HERC3: variants seen among roughly 807,000 people sequenced by gnomAD.
The protein encoded by HERC3 is probable E3 ubiquitin-protein ligase HERC3.
In HERC3, 58 loss-of-function variants were observed where a neutral mutation model predicts 129.9. The observed-to-expected ratio is 0.45, with a 90% confidence interval of 0.36 to 0.56. HERC3 has a LOEUF of 0.56. Ranked by LOEUF, HERC3 falls within the 20% of genes least tolerant of loss-of-function variation. The pLI is 0.00. For missense variants in HERC3, 835 were observed against 1,244.2 expected (o/e 0.67, Z 4.95); for synonymous variants, 430 against 451.0 (o/e 0.95, Z 0.59).
At chr4:88,528,095 C>T in the HERC3 span, 5 of 275,522 alleles carry the variant, frequency 1.8e-5, no homozygotes, top group Non-Finnish European at 2.9e-5. Context: ...TATGTGCAAT[C>T]CAGGTGGTGA....
intron 23 of HERC3, chr4:88,697,691 C>T (rs890518313): frequency 1.2e-6 from 2 of 1,611,174 alleles, no homozygotes; most frequent in African/African-American, 1.3e-5. Flanking sequence ...TCCTCTGCCG[C>T]TGCCTCCGCC....
chr4:88,679,522 CTT>C (rs35403047), intron 19 of HERC3, among the ~76,000 whole-genome samples: 49 of 139,720 alleles, frequency 3.5e-4, no homozygotes, highest in Admixed American at 1.0e-3. Flanking sequence ...GATGGTAGAC[CTT>C]TTTTTTTTTT....
At chr4:88,654,189 T>G (rs55727549) in intron 7 of HERC3, 56 bp downstream of exon 7, 41,603 of 1,219,090 alleles carry the variant, frequency 0.034, 937 homozygotes, top group Middle Eastern at 0.11. Flanking sequence ...GTGATTAGAA[T>G]TGCTTGATTA....
chr4:88,653,178 C>T (rs1194223491), intron 6 of HERC3, 88 bp downstream of exon 6: 7 of 1,263,806 alleles, frequency 5.5e-6, no homozygotes, highest in Admixed American at 4.0e-5. Flanking sequence ...GTGCTAGCCC[C>T]ATGTGAGATA....
the HERC3 span, chr4:88,527,515 C>T: frequency 5.7e-6 from 1 of 176,500 alleles, no homozygotes; most frequent in Non-Finnish European, 1.2e-5. Context: ...CCCGCCTCAG[C>T]CTCCCAAAGT....
intron 4 of HERC3, among the ~76,000 whole-genome samples, chr4:88,651,737 A>C (rs144386378): frequency 0.011 from 1,606 of 152,308 alleles, 14 homozygotes; most frequent in Non-Finnish European, 0.016. Flanking sequence ...GGCATGTGCC[A>C]CAACGCCCGG....
At chr4:88,563,641 A>G in the HERC3 span, among the ~76,000 whole-genome samples, 1 of 150,194 alleles carries the variant, frequency 6.7e-6, no homozygotes, top group African/African-American at 2.5e-5. Context: ...ATTTTATTAT[A>G]TTGAAATATG....
chr4:88,634,459 C>G (rs889077573), intron 3 of HERC3, among the ~76,000 whole-genome samples: 5 of 152,184 alleles, frequency 3.3e-5, no homozygotes, highest in Middle Eastern at 3.2e-3. Flanking sequence ...CCGTCTCCAA[C>G]TAGGGGCTAA....
intron 3 of HERC3, among the ~76,000 whole-genome samples, chr4:88,633,915 T>C (rs1048788433): frequency 5.9e-5 from 9 of 152,234 alleles, no homozygotes; most frequent in African/African-American, 2.2e-4. Flanking sequence ...CAGAGGAATG[T>C]TACATAGTGA....
At chr4:88,568,385 TG>T in the HERC3 span, among the ~76,000 whole-genome samples, 3 of 152,106 alleles carry the variant, frequency 2.0e-5, no homozygotes, top group African/African-American at 7.2e-5. Flanking sequence ...CCCTCTGGCT[TG>T]GGATGGGTCC....
At chr4:88,640,395 T>C (rs1470019693) in intron 3 of HERC3, among the ~76,000 whole-genome samples, 1 of 152,112 alleles carries the variant, frequency 6.6e-6, no homozygotes, top group Non-Finnish European at 1.5e-5. Flanking sequence ...TATGCAGCCA[T>C]GAAAAGGAAT....
the HERC3 span, among the ~76,000 whole-genome samples, chr4:88,537,254 C>T: frequency 7.1e-4 from 108 of 152,266 alleles, no homozygotes; most frequent in Middle Eastern, 6.8e-3. Context: ...CAGGATGAGA[C>T]ATGACTTTTA....
At chr4:88,609,788 C>T (rs1047564469) in intron 3 of HERC3, among the ~76,000 whole-genome samples, 3 of 152,048 alleles carry the variant, frequency 2.0e-5, no homozygotes, top group Admixed American at 1.3e-4. Flanking sequence ...AGGGCAAGTC[C>T]GTGGTACAAA....
At chr4:88,648,888 C>A (rs1341935647) in intron 3 of HERC3, among the ~76,000 whole-genome samples, 2 of 151,474 alleles carry the variant, frequency 1.3e-5, no homozygotes, top group Non-Finnish European at 2.9e-5. Context: ...AACTTTCAAT[C>A]CTGCTTTTGA....
chr4:88,543,769 A>G, the HERC3 span, among the ~76,000 whole-genome samples: 1 of 152,184 alleles, frequency 6.6e-6, no homozygotes, highest in African/African-American at 2.4e-5. Flanking sequence ...AACACCACAC[A>G]TCTACAACCA....
Position 88,653,108 on chromosome 4 carries a change from A to G in HERC3, c.685+18A>G, listed in dbSNP as rs778108488. 4.3e-6 allele frequency: 7 copies of G among 1,610,500 alleles called. No homozygotes were observed. The South Asian group carries it at 4.4e-5, about 10-fold the overall frequency. On this transcript the variant is annotated intron_variant, in intron 6 of 25. Transcript: ENST00000402738. ...TGAAAAAGGTAGGTAAACCCTTCAT[A>G]TGTATGTATTTAGTTTAAAAGCACA...
chr4:88,551,418 AACTC>A, the HERC3 span, among the ~76,000 whole-genome samples: 2 of 148,924 alleles, frequency 1.3e-5, no homozygotes, highest in African/African-American at 2.5e-5. Flanking sequence ...ATCTACAATG[AACTC>A]AAACAAATTT....
At chr4:88,660,271 G>C (rs1409994315) in intron 10 of HERC3, among the ~76,000 whole-genome samples, 1 of 151,396 alleles carries the variant, frequency 6.6e-6, no homozygotes, top group Admixed American at 6.6e-5. Context: ...GCGTGATCCC[G>C]GCTCACTGCA....
At chr4:88,551,855 T>C in the HERC3 span, among the ~76,000 whole-genome samples, 2 of 152,130 alleles carry the variant, frequency 1.3e-5, no homozygotes, top group Non-Finnish European at 2.9e-5. Flanking sequence ...TGCGGCACTA[T>C]TCACAATAGC....
Sources: gnomAD v4.1 joint callset for allele counts (sites outside exome capture counted in the v4.1 genomes callset) on GRCh38, gnomAD v4.1.1 for gene constraint, MANE v1.5 for transcripts, NCBI Gene and HGNC (gene_info 2026-07-23, HGNC 2026-07-21) for gene names.